Variants in ZNF732 observed in about 807,000 individuals in gnomAD.
ZNF732 encodes zinc finger protein 732.
ZNF732 carries 12 observed loss-of-function variants against 11.5 expected under a neutral mutation model. That is an observed-to-expected ratio of 1.05 (90% CI 0.67 to 1.70). The LOEUF (loss-of-function observed/expected upper bound fraction) is 1.70, where lower values mean the gene tolerates loss of function less well. ZNF732 is among the 40% of genes most tolerant of loss of function. ZNF732 has a pLI of 0.00. For synonymous variants in ZNF732, 231 were observed against 236.5 expected (o/e 0.98, Z 0.21); for missense variants, 702 against 676.9 (o/e 1.04, Z -0.41).
rs572787201 is a variant in ZNF732, at chr4:295,545, A to T, written c.131-12T>A. ...AGAGATAGCAACACCTGTTTATTTTAAAAAATTAACATGCTACTGTTAGGG... is the reference window on the plus strand; with the variant it reads ...AGAGATAGCAACACCTGTTTATTTTTAAAAATTAACATGCTACTGTTAGGG... On this transcript the variant is annotated splice_polypyrimidine_tract_variant and intron_variant, in intron 2 of 3. Coordinates refer to ENST00000419098, the MANE Select transcript of ZNF732 (RefSeq NM_001137608.3). The T allele has an allele frequency of 6.9e-6, 11 of 1,598,396 alleles. No individual in the cohort carries two copies. The African/African-American group carries it at 9.4e-5, about 14-fold the overall frequency.
chr4:283,257 T>TTC (rs1385006272), intron 3 of ZNF732, among the ~76,000 whole-genome samples: 1 of 152,140 alleles, frequency 6.6e-6, no homozygotes, highest in Non-Finnish European at 1.5e-5. Context: ...CTAAGGAAAC[T>TTC]TCTATTCTTT....
chr4:283,137 A>G (rs1456377153), intron 3 of ZNF732, among the ~76,000 whole-genome samples: 1 of 152,170 alleles, frequency 6.6e-6, no homozygotes, highest in African/African-American at 2.4e-5. Flanking sequence ...TGGGTTAGTC[A>G]TCATGAGTGG....
chr4:272,178 C>T lies in ZNF732; in HGVS notation c.679G>A (p.Glu227Lys), dbSNP rs782074148. 1 of 1,613,414 alleles carries T rather than the reference C, an allele frequency of 6.2e-7. No individual in the cohort carries two copies. Among genetic ancestry groups the T allele is most frequent in the Non-Finnish European group, 8.5e-7 (1 of 1,179,634 alleles). Residue 227 changes from glutamate to lysine, a missense_variant, in exon 4 of 4, where the codon GAA becomes AAA. This residue lies in a region of ZNF732 where 596 missense variants were observed against 557.9 expected (regional missense o/e 1.07). Coordinates refer to ENST00000419098, the MANE Select transcript of ZNF732 (RefSeq NM_001137608.3). ...GATGTGGTAAAGATGTTGCCACATT[C>T]TTCACATGTGAAGGGTTTCTCTCCA... is the stretch of plus-strand genomic sequence containing the variant. ...HTGEKPFTCE[E>K]CGNIFTTSSN...
Position 296,173 on chromosome 4 carries a change from T to C in ZNF732, c.4-18A>G. On this transcript the variant is annotated intron_variant, in intron 1 of 3. Transcript: ENST00000419098. ...AAGAGTTCCTGAAAATATATATGTA[T>C]CAAGTGACAGAGTTCTTAATTTGAC... The C allele has an allele frequency of 6.2e-7, 1 of 1,607,384 alleles. No individual in the cohort carries two copies. The highest frequency in any genetic ancestry group is 8.5e-7 in the Non-Finnish European group (1 of 1,178,628).
intron 3 of ZNF732, among the ~76,000 whole-genome samples, chr4:276,151 TAGG>T (rs1282990665): frequency 6.6e-6 from 1 of 151,558 alleles, no homozygotes; most frequent in African/African-American, 2.4e-5. Context: ...AGGGTAAAAT[TAGG>T]AGAATTTCAA....
Position 272,064 on chromosome 4 carries a change from G to A in ZNF732, c.793C>T (p.Leu265Phe). The change falls in exon 4 of 4, where the codon CTT becomes TTT. Residue 265 changes from leucine (L) to phenylalanine (F), a missense_variant. Physicochemically the swap from Leu to Phe is conservative, Grantham distance 22. Coordinates refer to ENST00000419098, the MANE Select transcript of ZNF732 (RefSeq NM_001137608.3). ...CGKAFNRSST[L>F]TKHKRIHAEE... ...GCATGAATTCTCTTATGCTTAGTAA[G>A]GGTTGAGGACCTATTAAAGGCTTTG... 5.0e-6 allele frequency: 8 copies of A among 1,611,158 alleles called. No individual in the cohort carries two copies. The highest frequency in any genetic ancestry group is 6.8e-6 in the Non-Finnish European group (8 of 1,178,628).
At chr4:287,996 C>G (rs1417436110) in intron 3 of ZNF732, among the ~76,000 whole-genome samples, 1 of 151,794 alleles carries the variant, frequency 6.6e-6, no homozygotes, top group Admixed American at 6.6e-5. Flanking sequence ...ACAACAATAA[C>G]CTTATTGTGG....
chr4:285,878 T>C (rs1719719933), intron 3 of ZNF732, among the ~76,000 whole-genome samples: 1 of 152,248 alleles, frequency 6.6e-6, no homozygotes, highest in South Asian at 2.1e-4. Flanking sequence ...TAGCTGGAAC[T>C]ACAGGTGCAT....
chr4:305,318 C>T lies in ZNF732; in HGVS notation c.-8G>A. The T allele has an allele frequency of 5.6e-6, 9 of 1,608,072 alleles. No homozygotes were observed. The highest frequency in any genetic ancestry group is 7.6e-6 in the Non-Finnish European group (9 of 1,179,824). ...TGCCCCCACACTCACCATTTCCCCA[C>T]TTCAGGGGTGTAGCGGAGTCTCAGC... is the stretch of plus-strand genomic sequence containing the variant. On this transcript the variant is annotated 5_prime_UTR_variant, in exon 1 of 4. The change creates a new upstream start codon in the 5' untranslated region. Transcript: ENST00000419098.
At chr4:300,338 C>T (rs1720088572) in intron 1 of ZNF732, among the ~76,000 whole-genome samples, 1 of 150,784 alleles carries the variant, frequency 6.6e-6, no homozygotes, top group Admixed American at 6.6e-5. Flanking sequence ...TGGTGGGTGC[C>T]TGTAGTCCCA....
chr4:285,536 T>C (rs1360737140), intron 3 of ZNF732, among the ~76,000 whole-genome samples: 3 of 152,192 alleles, frequency 2.0e-5, no homozygotes, highest in African/African-American at 7.2e-5. Context: ...CACCATTGCC[T>C]AGCGTGCATG....
chr4:272,000 A>AT lies in ZNF732; in HGVS notation c.856dup (p.Ile286AsnfsTer12). ...GGCAACATTTGAGGATGAGGTAATG[A>AT]TTTTGCCACATTCTTCACATGTGAA... On this transcript the variant is annotated frameshift_variant, in exon 4 of 4. Transcript: ENST00000419098. LOFTEE classifies it low-confidence loss of function (END_TRUNC). 6.2e-7 allele frequency: 1 copy of AT among 1,606,808 alleles called. No individual in the cohort carries two copies.
At chr4:286,499 G>A (rs1253781169) in intron 3 of ZNF732, among the ~76,000 whole-genome samples, 1 of 152,170 alleles carries the variant, frequency 6.6e-6, no homozygotes, top group Non-Finnish European at 1.5e-5. Context: ...TATCCACAAT[G>A]AGGATACATT....
intron 1 of ZNF732, among the ~76,000 whole-genome samples, chr4:297,535 G>A (rs1319620042): frequency 7.4e-6 from 1 of 134,354 alleles, no homozygotes; most frequent in African/African-American, 2.8e-5. Context: ...AATATAAATA[G>A]ATCACAAAGA....
chr4:305,285 G>A, intron 1 of ZNF732, 23 bp downstream of exon 1: 2 of 1,605,424 alleles, frequency 1.2e-6, no homozygotes, highest in Non-Finnish European at 1.7e-6. Flanking sequence ...CCCAGCCTTG[G>A]GACGCCCTGC....
In ZNF732 at chr4:299,368, TGTGTATATATATATACACATATGTACAC is replaced by T. The variant is rs1720032734; in HGVS notation, c.4-3241_4-3214del. Among the ~76,000 whole-genome samples the T allele has an allele frequency of 1.9e-5, 2 of 106,910 alleles. 1 individual carries two copies. Among genetic ancestry groups the T allele is most frequent in the African/African-American group, 6.1e-5 (2 of 32,910 alleles). The allele number at this position is 106,910 out of a possible 152,430, so 70.1% of individuals were successfully genotyped here. ...GTATATATACACATATATACACATATGTGTATATATATATACACATATGTACACATATGTGTATATATATATACACATA... is the reference window on the plus strand; with the variant it reads ...GTATATATACACATATATACACATATATATGTGTATATATATATACACATA... On this transcript the variant is annotated intron_variant, in intron 1 of 3. Coordinates refer to ENST00000419098, the MANE Select transcript of ZNF732 (RefSeq NM_001137608.3).
intron 3 of ZNF732, among the ~76,000 whole-genome samples, chr4:280,956 A>G (rs1173397575): frequency 1.3e-5 from 2 of 152,192 alleles, no homozygotes; most frequent in South Asian, 4.2e-4. Context: ...TCCTGCCCAG[A>G]CACCCACAGA....
chr4:286,014 T>C, intron 3 of ZNF732, among the ~76,000 whole-genome samples: 1 of 152,202 alleles, frequency 6.6e-6, no homozygotes, highest in Non-Finnish European at 1.5e-5. Context: ...AGAAAGAAAG[T>C]GGGATATGTG....
At chr4:302,703 C>A (rs1720141797) in intron 1 of ZNF732, among the ~76,000 whole-genome samples, 1 of 152,132 alleles carries the variant, frequency 6.6e-6, no homozygotes. Flanking sequence ...AGACAAATGA[C>A]TTATTTAACT....
Sources: allele counts gnomAD v4.1 joint callset (sites outside exome capture counted in the v4.1 genomes callset), GRCh38; gene constraint gnomAD v4.1.1; regional missense constraint gnomAD v4.1.1; transcripts MANE v1.5; gene names NCBI Gene and HGNC (gene_info 2026-07-23, HGNC 2026-07-21).